The following TARBP1 variants were observed in gnomAD, a reference collection of about 807,000 sequenced individuals.
TARBP1 encodes tRNA (guanosine(18)-2'-O)-methyltransferase TARBP1.
Under a neutral mutation model 178.6 loss-of-function variants are expected in TARBP1, and 144 were observed. That is an observed-to-expected ratio of 0.81 (90% confidence interval 0.70 to 0.93). The LOEUF is 0.93. TARBP1 is among the 40% of genes least tolerant of loss of function. TARBP1 has a pLI of 0.00. For synonymous variants in TARBP1, 787 were observed against 781.0 expected (o/e 1.01, Z -0.13); for missense variants, 2,067 against 2,011.7 (o/e 1.03, Z -0.53).
chr1:234,475,282 C>G (rs2103317990), intron 1 of TARBP1, among the ~76,000 whole-genome samples: 1 of 152,188 alleles, frequency 6.6e-6, no homozygotes, highest in East Asian at 1.9e-4. Context: ...GGACCCTTCT[C>G]CGACAGGAAG....
chr1:234,439,571 AT>A, intron 12 of TARBP1, among the ~76,000 whole-genome samples: 1 of 152,234 alleles, frequency 6.6e-6, no homozygotes, highest in East Asian at 1.9e-4. Flanking sequence ...CATGCCTGTA[AT>A]CTTAGCACTT....
At chr1:234,433,981 T>G (rs1664750885) in intron 13 of TARBP1, among the ~76,000 whole-genome samples, 1 of 152,212 alleles carries the variant, frequency 6.6e-6, no homozygotes, top group Non-Finnish European at 1.5e-5. Flanking sequence ...TGTCCCACTT[T>G]CATAAGACAA....
chr1:234,476,908 G>A (rs772061255), intron 1 of TARBP1, among the ~76,000 whole-genome samples: 17 of 152,254 alleles, frequency 1.1e-4, no homozygotes, highest in South Asian at 2.1e-4. Flanking sequence ...ATAACTGGCC[G>A]AGCGCGGTGG....
Position 234,472,755 on chromosome 1 carries a change from C to T in TARBP1, c.988G>A (p.Glu330Lys). The stretch of plus-strand genomic sequence containing the variant: ...GTCTCCATAATTAAAATATAATTTT[C>T]CCAAAACTTTAGAAGCTCATCTTTT... ...RKKDELLKFW[E>K]NYILIMETLE... The change falls in exon 2 of 30, where the codon GAA becomes AAA. Residue 330 changes from glutamate (E) to lysine (K), a missense_variant. By Grantham distance (56) the Glu-to-Lys change is moderately conservative. Coordinates refer to ENST00000040877, the MANE Select transcript of TARBP1 (RefSeq NM_005646.4). 1 of 1,604,340 alleles carries T rather than the reference C, an allele frequency of 6.2e-7. No individual in the cohort carries two copies. Among genetic ancestry groups the T allele is most frequent in the Non-Finnish European group, 8.5e-7 (1 of 1,177,594 alleles).
chr1:234,470,054 G>A (rs903995231), intron 3 of TARBP1, among the ~76,000 whole-genome samples: 5 of 152,164 alleles, frequency 3.3e-5, no homozygotes, highest in African/African-American at 1.2e-4. Flanking sequence ...ATCACCTGAG[G>A]TTAGGAGTTT....
In TARBP1 at chr1:234,430,194, A is replaced by G; in HGVS notation, c.2502T>C (p.His834=). The change falls in exon 15 of 30, where the codon CAT becomes CAC. Residue 834 remains histidine, a synonymous_variant. Coordinates refer to ENST00000040877, the MANE Select transcript of TARBP1 (RefSeq NM_005646.4). ...QKPELQLDSL[H]AGPLESFLSS... Reference sequence around the variant, plus strand: ...AAAGGAAGCTTTCCAGGGGCCCAGCATGGAGAGAGTCCAGCTGCAGCTCAG... The same window carrying G: ...AAAGGAAGCTTTCCAGGGGCCCAGCGTGGAGAGAGTCCAGCTGCAGCTCAG... The G allele has an allele frequency of 1.2e-6, 2 of 1,614,224 alleles. No individual in the cohort carries two copies. The highest frequency in any genetic ancestry group is 1.7e-6 in the Non-Finnish European group (2 of 1,180,038).
intron 24 of TARBP1, among the ~76,000 whole-genome samples, chr1:234,404,871 C>A (rs1454883378): frequency 1.3e-5 from 2 of 152,170 alleles, no homozygotes; most frequent in Non-Finnish European, 2.9e-5. Context: ...TCCCAAGCCC[C>A]TAAAACCTCC....
chr1:234,479,147 C>G lies in TARBP1; in HGVS notation c.-44G>C. ...ACCGGCCCGGGCTCCCAAAGGAAGG[C>G]GCCGGCGTGTGCGATGCGTGCGCAC... On this transcript the variant is annotated 5_prime_UTR_variant, in exon 1 of 30. Coordinates refer to ENST00000040877, the MANE Select transcript of TARBP1 (RefSeq NM_005646.4). The G allele has an allele frequency of 6.8e-7, 1 of 1,471,176 alleles. No individual in the cohort carries two copies. Among genetic ancestry groups the G allele is most frequent in the Non-Finnish European group, 8.9e-7 (1 of 1,124,492 alleles). The allele number at this position is 1,471,176 out of a possible 1,614,324, so 91.1% of individuals were successfully genotyped here. A position where few individuals can be genotyped will look rare whatever the true frequency, so the allele number is the denominator to read the frequency against.
At chr1:234,478,105 A>C in intron 1 of TARBP1, 68 bp downstream of exon 1, 1 of 1,495,500 alleles carries the variant, frequency 6.7e-7, no homozygotes. Context: ...AGTTTTTAGA[A>C]GCAGGAAGAC....
intron 26 of TARBP1, among the ~76,000 whole-genome samples, chr1:234,395,226 G>A (rs906735585): frequency 1.3e-5 from 2 of 151,622 alleles, no homozygotes; most frequent in South Asian, 2.1e-4. Flanking sequence ...GCGAGACTCC[G>A]TCTCAAAGAA....
chr1:234,461,028 A>C (rs1326396615), intron 6 of TARBP1, among the ~76,000 whole-genome samples: 3 of 152,184 alleles, frequency 2.0e-5, no homozygotes, highest in Non-Finnish European at 4.4e-5. Flanking sequence ...GCCAGGAGCT[A>C]TGGGTAGAAG....
intron 26 of TARBP1, among the ~76,000 whole-genome samples, chr1:234,395,132 G>A (rs752045308): frequency 1.4e-4 from 22 of 152,176 alleles, no homozygotes; most frequent in Non-Finnish European, 2.9e-4. Flanking sequence ...GCTGAGGCAC[G>A]AGAATCGCTT....
chr1:234,395,484 G>A (rs1453082772), intron 26 of TARBP1, among the ~76,000 whole-genome samples: 1 of 152,130 alleles, frequency 6.6e-6, no homozygotes, highest in Non-Finnish European at 1.5e-5. Flanking sequence ...TAACGGATGT[G>A]GCAAGAGCAA....
In TARBP1 at chr1:234,427,352, A is replaced by C; in HGVS notation, c.3288T>G (p.Leu1096=). Residue 1096 remains leucine (L), a synonymous_variant, in exon 19 of 30, where the codon CTT becomes CTG. Coordinates refer to ENST00000040877, the MANE Select transcript of TARBP1 (RefSeq NM_005646.4). The part of the protein sequence containing the change: ...VQDVQTFIEN[L]GHDCAANIVM... ...CAATATTTGCCGCACAGTCATGTCC[A>C]AGGTTTTCTATGAAGGTCTGTACAT... 6.2e-7 allele frequency: 1 copy of C among 1,612,586 alleles called. No individual in the cohort carries two copies. Among genetic ancestry groups the C allele is most frequent in the Non-Finnish European group, 8.5e-7 (1 of 1,179,320 alleles).
rs137958681 is a variant in TARBP1, at chr1:234,409,531, GT to G, written c.3792+913del. 2.0e-5 allele frequency among the ~76,000 whole-genome samples: 3 copies of G among 152,280 alleles called. No homozygotes were observed. In the East Asian group the frequency reaches 5.8e-4, roughly 29 times the overall value. On this transcript the variant is annotated intron_variant, in intron 23 of 29. Coordinates refer to ENST00000040877, the MANE Select transcript of TARBP1 (RefSeq NM_005646.4). ...TTGATCTTACGGAAGATGTGAACGA[GT>G]TTTCCTGGAACTGTAACACACTGCC...
At chr1:234,413,148 G>A (rs1174344670) in intron 22 of TARBP1, among the ~76,000 whole-genome samples, 2 of 152,076 alleles carry the variant, frequency 1.3e-5, no homozygotes, top group East Asian at 1.9e-4. Context: ...GTGAGCGAAG[G>A]AGCCATTTGG....
chr1:234,454,083 G>A (rs1244637685), intron 9 of TARBP1, among the ~76,000 whole-genome samples: 2 of 152,128 alleles, frequency 1.3e-5, no homozygotes, highest in African/African-American at 2.4e-5. Context: ...TTAAACCAGG[G>A]CGAAAAGACA....
intron 13 of TARBP1, among the ~76,000 whole-genome samples, chr1:234,436,257 A>G (rs1202820108): frequency 1.3e-5 from 2 of 152,334 alleles, no homozygotes; most frequent in East Asian, 3.9e-4. Context: ...TTCCATACAA[A>G]CAGGTAAAAA....
chr1:234,430,142 G>A lies in TARBP1; in HGVS notation c.2554C>T (p.Gln852Ter), dbSNP rs368071741. The A allele has an allele frequency of 6.2e-7, 1 of 1,614,198 alleles. No individual in the cohort carries two copies. Among genetic ancestry groups the A allele is most frequent in the Non-Finnish European group, 8.5e-7 (1 of 1,180,040 alleles). The change falls in exon 15 of 30, where the codon CAG becomes TAG. Residue 852 changes from glutamine (Q) to a stop codon, truncating the protein, a stop_gained. Coordinates refer to ENST00000040877, the MANE Select transcript of TARBP1 (RefSeq NM_005646.4). LOFTEE classifies it high-confidence loss of function. ...LSSLQLNQTL[Q>*]KPHAEEQSSY... ...CTCTGCTCCTCTGCGTGGGGCTTCT[G>A]CAGCGTCTGATTGAGCTGAAGAGAG...
Sources: allele counts gnomAD v4.1 joint callset (sites outside exome capture counted in the v4.1 genomes callset), GRCh38; gene constraint gnomAD v4.1.1; transcripts MANE v1.5; gene names NCBI Gene and HGNC (gene_info 2026-07-23, HGNC 2026-07-21).